MCCC1: variants seen among roughly 807,000 people sequenced by gnomAD.
MCCC1 encodes methylcrotonoyl-CoA carboxylase subunit alpha, mitochondrial.
Under a neutral mutation model 83.8 loss-of-function variants are expected in MCCC1, and 64 were observed. The observed-to-expected ratio is 0.76, with a 90% confidence interval of 0.62 to 0.94. The LOEUF (loss-of-function observed/expected upper bound fraction) is 0.94, where lower values mean the gene tolerates loss of function less well. MCCC1 is among the 40% of genes least tolerant of loss of function. The pLI is 0.00. For missense variants in MCCC1, 807 were observed against 904.7 expected, an observed-to-expected ratio of 0.89 and a Z score of 1.39; for synonymous variants, 322 against 315.4, an observed-to-expected ratio of 1.02 and a Z score of -0.22.
In MCCC1 at chr3:183,094,537, GAAC is replaced by G; in HGVS notation, c.136+19_136+21del. 4.3e-6 allele frequency: 7 copies of G among 1,613,364 alleles called. No homozygotes were observed. The highest frequency in any genetic ancestry group is 5.9e-6 in the Non-Finnish European group (7 of 1,179,360). On this transcript the variant is annotated intron_variant, in intron 2 of 18. Coordinates refer to ENST00000265594, the MANE Select transcript of MCCC1 (RefSeq NM_020166.5). The stretch of plus-strand genomic sequence containing the variant: ...TTCCAGTCTGAAGCAAAATCAAATA[GAAC>G]AACAAAGTCTGTCAGTACCTGTGGC...
At chr3:183,067,493 A>G (rs1224749734) in intron 7 of MCCC1, among the ~76,000 whole-genome samples, 1 of 152,238 alleles carries the variant, frequency 6.6e-6, no homozygotes, top group African/African-American at 2.4e-5. Context: ...ATTTGTCTTT[A>G]GTAAAAATGG....
chr3:183,043,448 T>G (rs1714282411), intron 10 of MCCC1, among the ~76,000 whole-genome samples: 1 of 152,246 alleles, frequency 6.6e-6, no homozygotes, highest in Non-Finnish European at 1.5e-5. Flanking sequence ...ACCCCTAACC[T>G]TGACATTTTC....
intron 14 of MCCC1, among the ~76,000 whole-genome samples, chr3:183,026,827 C>A (rs1234782625): frequency 3.3e-5 from 5 of 152,092 alleles, no homozygotes; most frequent in Non-Finnish European, 7.4e-5. Context: ...ATTTTCTGAG[C>A]CATTAAATGG....
At chr3:183,023,089 T>C (rs970940977) in intron 15 of MCCC1, among the ~76,000 whole-genome samples, 1 of 152,140 alleles carries the variant, frequency 6.6e-6, no homozygotes, top group African/African-American at 2.4e-5. Context: ...TAGCTGGAGA[T>C]TGGCCATAAT....
chr3:183,034,227 G>A (rs999858014), intron 13 of MCCC1, 150 bp from the exon 14 acceptor site: 47 of 610,288 alleles, frequency 7.7e-5, no homozygotes, highest in Non-Finnish European at 1.2e-4. Flanking sequence ...AAGGCGGGCG[G>A]ATCATGAGGT....
chr3:183,017,354 A>G lies in MCCC1; in HGVS notation c.1978-17T>C. 3 of 1,612,894 alleles carry G rather than the reference A, an allele frequency of 1.9e-6. No homozygotes were observed. Among genetic ancestry groups the G allele is most frequent in the Non-Finnish European group, 2.5e-6 (3 of 1,179,522 alleles). ...GACAAACACCTTGAGATTCAGTGTG[A>G]CAGGTTAATATTTGAAAACACAGAG... On this transcript the variant is annotated splice_polypyrimidine_tract_variant and intron_variant, in intron 17 of 18. Coordinates refer to ENST00000265594, the MANE Select transcript of MCCC1 (RefSeq NM_020166.5).
In MCCC1 at chr3:183,025,812, GA is replaced by G; in HGVS notation, c.1682-9del. 2 of 1,608,824 alleles carry G rather than the reference GA, an allele frequency of 1.2e-6. No individual in the cohort carries two copies. Among genetic ancestry groups the G allele is most frequent in the Non-Finnish European group, 1.7e-6 (2 of 1,176,170 alleles). ...TTACAGCTATGGCTACATCTTTATG[GA>G]AAAAGGGAAAAAATGAAGAAAAATT... On this transcript the variant is annotated splice_polypyrimidine_tract_variant and intron_variant, in intron 14 of 18. Transcript: ENST00000265594.
At chr3:183,030,087 A>C (rs1712928476) in intron 14 of MCCC1, among the ~76,000 whole-genome samples, 1 of 152,122 alleles carries the variant, frequency 6.6e-6, no homozygotes, top group African/African-American at 2.4e-5. Context: ...GTGGGCGGAT[A>C]GCCTGAGGTC....
intron 2 of MCCC1, among the ~76,000 whole-genome samples, chr3:183,093,455 C>T (rs113658823): frequency 6.6e-6 from 1 of 152,292 alleles, no homozygotes; most frequent in South Asian, 2.1e-4. Flanking sequence ...TGCCTCTATC[C>T]CTATGTACAT....
At chr3:183,082,541 C>T (rs1717588991) in intron 4 of MCCC1, among the ~76,000 whole-genome samples, 1 of 152,276 alleles carries the variant, frequency 6.6e-6, no homozygotes, top group South Asian at 2.1e-4. Context: ...ATTCCAGAGA[C>T]TGCTTTATGC....
Position 183,071,368 on chromosome 3 carries a change from GGAAAGAAAACAAC to G in MCCC1, c.492-24_492-12del. ...ATGGATTTGGATGTGCTTTAGAGTG[GGAAAGAAAACAAC>G]ATGCCCCAAATTCTACAAATTATTT... is the stretch of plus-strand genomic sequence containing the variant. On this transcript the variant is annotated splice_polypyrimidine_tract_variant and intron_variant, in intron 5 of 18. Transcript: ENST00000265594. The G allele has an allele frequency of 6.2e-7, 1 of 1,614,002 alleles. No individual in the cohort carries two copies. The highest frequency in any genetic ancestry group is 8.5e-7 in the Non-Finnish European group (1 of 1,180,002).
At chr3:183,065,772 G>A (rs1716213705) in intron 7 of MCCC1, among the ~76,000 whole-genome samples, 1 of 152,160 alleles carries the variant, frequency 6.6e-6, no homozygotes, top group South Asian at 2.1e-4. Flanking sequence ...ATTGTCTAAA[G>A]TTAAAGGGGT....
chr3:183,099,171 G>C, intron 1 of MCCC1, 181 bp downstream of exon 1: 1 of 667,234 alleles, frequency 1.5e-6, no homozygotes, highest in South Asian at 1.7e-5. Flanking sequence ...GGGAAGGGCT[G>C]GTGGGGATGT....
chr3:183,091,339 G>A (rs894220867), intron 3 of MCCC1, among the ~76,000 whole-genome samples: 54 of 152,140 alleles, frequency 3.5e-4, no homozygotes, highest in Admixed American at 2.4e-3. Flanking sequence ...AGGCCAAGGT[G>A]GGTGGATCAC....
intron 1 of MCCC1, among the ~76,000 whole-genome samples, chr3:183,097,725 C>A (rs901154750): frequency 6.6e-6 from 1 of 152,072 alleles, no homozygotes; most frequent in Middle Eastern, 3.2e-3. Context: ...CTTCTATAAG[C>A]CATTAACAAC....
chr3:183,063,159 A>G (rs1715978353), intron 7 of MCCC1, among the ~76,000 whole-genome samples: 1 of 134,548 alleles, frequency 7.4e-6, no homozygotes, highest in African/African-American at 2.8e-5. Context: ...AATTTTTTGT[A>G]TTTTTAGTAG....
chr3:183,091,720 TCAGC>T (rs199966904), intron 3 of MCCC1, among the ~76,000 whole-genome samples: 4 of 107,084 alleles, frequency 3.7e-5, no homozygotes, highest in Middle Eastern at 4.5e-3. Context: ...CTAAGATCAC[TCAGC>T]CAGTAAGTAG....
intron 4 of MCCC1, among the ~76,000 whole-genome samples, chr3:183,078,980 T>C (rs1033850707): frequency 2.0e-5 from 3 of 152,320 alleles, no homozygotes; most frequent in Admixed American, 2.0e-4. Flanking sequence ...ATGAGACTCA[T>C]TCATGACCAT....
chr3:183,112,498 G>T (rs1030824942), intron 1 of MCCC1, among the ~76,000 whole-genome samples: 1 of 152,072 alleles, frequency 6.6e-6, no homozygotes, highest in Admixed American at 6.6e-5. Flanking sequence ...TTCTCCCCTG[G>T]TTTAAAAAAC....
Sources: gnomAD v4.1 joint callset for allele counts (sites outside exome capture counted in the v4.1 genomes callset) on GRCh38, gnomAD v4.1.1 for gene constraint, MANE v1.5 for transcripts, NCBI Gene and HGNC (gene_info 2026-07-23, HGNC 2026-07-21) for gene names.